PIP5KL1: variants seen among roughly 807,000 people sequenced by gnomAD.
PIP5KL1 encodes phosphatidylinositol 4-phosphate 5-kinase-like protein 1.
A neutral mutation model predicts 47.6 loss-of-function variants in PIP5KL1; 45 were observed. The observed-to-expected ratio is 0.94, with a 90% CI of 0.74 to 1.21. The LOEUF is 1.21. Ranked by LOEUF, PIP5KL1 falls within the 50% of genes most tolerant of loss-of-function variation. PIP5KL1 has a pLI of 0.00. For missense variants in PIP5KL1, 577 were observed against 547.6 expected, an observed-to-expected ratio of 1.05 and a Z score of -0.54; for synonymous variants, 256 against 234.6, an observed-to-expected ratio of 1.09 and a Z score of -0.84.
intron 2 of PIP5KL1, 54 bp from the exon 3 acceptor site, chr9:127,928,537 C>T (rs571158393): frequency 2.0e-6 from 3 of 1,477,528 alleles, no homozygotes; most frequent in Non-Finnish European, 2.7e-6. Context: ...TGCTGCCTGC[C>T]CCAGGATCTC....
At chr9:127,925,776 TTAA>T in intron 8 of PIP5KL1, 88 bp downstream of exon 8, 1 of 1,168,120 alleles carries the variant, frequency 8.6e-7, no homozygotes. Context: ...ATCTGGGCTC[TTAA>T]TAACTCAGGC....
rs979066978 is a variant in PIP5KL1 at position 127,927,793 on chromosome 9, G to A, written c.435-21C>T. The A allele has an allele frequency of 3.2e-6, 5 of 1,555,442 alleles. No homozygotes were observed. Among genetic ancestry groups the A allele is most frequent in the Non-Finnish European group, 3.5e-6 (4 of 1,151,304 alleles). On this transcript the variant is annotated intron_variant, in intron 4 of 9. Transcript: ENST00000388747. This position sits in a 1 kb window ranked among gnomAD's most constrained non-coding sequence, Gnocchi z 5.5. ...CGTGGCTGGGGGGCAAGAGAAAGAG[G>A]TCACTGCCCAGGCCTGGCTGGAGCG...
In PIP5KL1 at chr9:127,921,830, G is replaced by A. The variant is rs1462226045; in HGVS notation, c.*17C>T. ...TGAGCCCATCGTCCAGATCCGGAGA[G>A]TGGGGCCGGGCGCCCGTCACTCCGT... is the stretch of plus-strand genomic sequence containing the variant. On this transcript the variant is annotated 3_prime_UTR_variant, in exon 10 of 10. Coordinates refer to ENST00000388747, the MANE Select transcript of PIP5KL1 (RefSeq NM_001135219.2). The A allele has an allele frequency of 1.3e-6, 2 of 1,565,274 alleles. No homozygotes were observed. Among genetic ancestry groups the A allele is most frequent in the Middle Eastern group, 2.3e-4 (1 of 4,402 alleles).
rs368683908 is a variant in PIP5KL1, at chr9:127,921,838, G to A, written c.*9C>T. Reference sequence around the variant, plus strand: ...TCGTCCAGATCCGGAGAGTGGGGCCGGGCGCCCGTCACTCCGTGTGCGCCT... The same window carrying A: ...TCGTCCAGATCCGGAGAGTGGGGCCAGGCGCCCGTCACTCCGTGTGCGCCT... On this transcript the variant is annotated 3_prime_UTR_variant, in exon 10 of 10. Coordinates refer to ENST00000388747, the MANE Select transcript of PIP5KL1 (RefSeq NM_001135219.2). 3 of 1,567,044 alleles carry A rather than the reference G, an allele frequency of 1.9e-6. No homozygotes were observed. Among genetic ancestry groups the A allele is most frequent in the African/African-American group, 1.3e-5 (1 of 74,236 alleles).
chr9:127,925,158 A>C lies in PIP5KL1; in HGVS notation c.866T>G (p.Leu289Arg), dbSNP rs1305213004. ...GCCCGGGCCCCTCTCATCCTCGTGG[A>C]GACGTTGGAAGGCTATCAGGAGGCT... ...DYSLLIAFQR[L>R]HEDERGPGSS... The change falls in exon 9 of 10, where the codon CTC (leucine) becomes CGC (arginine). Residue 289 changes from leucine (L) to arginine (R), a missense_variant. Leu to Arg is a moderately radical substitution (Grantham distance 102). Coordinates refer to ENST00000388747, the MANE Select transcript of PIP5KL1 (RefSeq NM_001135219.2). 1 of 1,614,118 alleles carries C rather than the reference A, an allele frequency of 6.2e-7. No individual in the cohort carries two copies.
At chr9:127,925,374 G>A in intron 8 of PIP5KL1, 114 bp from the exon 9 acceptor site, 1 of 1,279,072 alleles carries the variant, frequency 7.8e-7, no homozygotes, top group Non-Finnish European at 1.1e-6. Flanking sequence ...CACAAATAAA[G>A]AAACTCATCT....
rs1470203002 is a variant in PIP5KL1 at position 127,925,173 on chromosome 9, A to G, written c.851T>C (p.Ile284Thr). The G allele has an allele frequency of 6.2e-6, 10 of 1,614,038 alleles. No individual in the cohort carries two copies. The highest frequency in any genetic ancestry group is 7.6e-6 in the Non-Finnish European group (9 of 1,180,046). Residue 284 changes from isoleucine (I) to threonine (T), a missense_variant, in exon 9 of 10, where the codon ATA becomes ACA. Physicochemically the swap from Ile to Thr is moderately conservative, Grantham distance 89. Coordinates refer to ENST00000388747, the MANE Select transcript of PIP5KL1 (RefSeq NM_001135219.2). ...ELNVLDYSLLIAFQRLHEDER... is the reference protein window; with the variant it reads ...ELNVLDYSLLTAFQRLHEDER... ...ATCCTCGTGGAGACGTTGGAAGGCT[A>G]TCAGGAGGCTGTAATCCAGCACGTT...
rs943196336 is a variant in PIP5KL1 at position 127,925,940 on chromosome 9, A to G, written c.690T>C (p.Asp230=). The change falls in exon 8 of 10, where the codon GAT becomes GAC. Residue 230 remains aspartate, a synonymous_variant. Transcript: ENST00000388747. ...IKGCEVSRWV[D]PAPEGSPLVL... The stretch of plus-strand genomic sequence containing the variant: ...CAAGGGGGCTGCCCTCAGGGGCGGG[A>G]TCCACCCAGCGGCTCACCTCGCAGC... 1.2e-6 allele frequency: 2 copies of G among 1,613,886 alleles called. No individual in the cohort carries two copies. Among genetic ancestry groups the G allele is most frequent in the Non-Finnish European group, 1.7e-6 (2 of 1,179,978 alleles).
intron 9 of PIP5KL1, among the ~76,000 whole-genome samples, chr9:127,922,706 A>AAAAAAAAAAG (rs1564136462): frequency 6.8e-6 from 1 of 146,176 alleles, no homozygotes. Flanking sequence ...AAAAAAAAAA[A>AAAAAAAAAAG]AAAAAGAAAA....
At position 127,927,738 on chromosome 9, in the gene PIP5KL1, G is replaced by GC; in HGVS notation, c.468dup (p.Arg157AlafsTer63). On this transcript the variant is annotated frameshift_variant, in exon 5 of 10. Transcript: ENST00000388747. LOFTEE classifies it high-confidence loss of function. The surrounding 1 kb of genome is among the most constrained non-coding windows in gnomAD (Gnocchi z 5.5). ...GCGAGCAGAGCCTGCACCTCTCGGC[G>GC]CCCCTGGGTCTTCAGGAAGAAGCGC... 6.4e-7 allele frequency: 1 copy of GC among 1,557,236 alleles called. No individual in the cohort carries two copies. Among genetic ancestry groups the GC allele is most frequent in the Non-Finnish European group, 8.7e-7 (1 of 1,151,686 alleles).
chr9:127,926,541 C>G (rs764926454), intron 7 of PIP5KL1, among the ~76,000 whole-genome samples: 11 of 152,212 alleles, frequency 7.2e-5, no homozygotes, highest in Admixed American at 1.3e-4. Context: ...ACAAGCGTGA[C>G]GCACCATGCC....
rs1245644568 is a variant in PIP5KL1, at chr9:127,925,321, A to G, written c.764-61T>C. 17 of 1,576,066 alleles carry G rather than the reference A, an allele frequency of 1.1e-5. No homozygotes were observed. In the Admixed American group the frequency reaches 2.8e-4, roughly 26 times the overall value. ...TCATGTGCCAGCCACGGTGCTCCAC[A>G]CACTCTGCCCCGTGACAGCATGTGG... is the stretch of plus-strand genomic sequence containing the variant. On this transcript the variant is annotated intron_variant, in intron 8 of 9. Transcript: ENST00000388747.
intron 7 of PIP5KL1, among the ~76,000 whole-genome samples, chr9:127,926,774 G>A (rs955578765): frequency 1.3e-5 from 2 of 152,194 alleles, no homozygotes; most frequent in African/African-American, 4.8e-5. Flanking sequence ...GGGGGGCGGG[G>A]AACCTGTGGG....
At chr9:127,924,579 C>T (rs1360127804) in intron 9 of PIP5KL1, among the ~76,000 whole-genome samples, 4 of 145,010 alleles carry the variant, frequency 2.8e-5, no homozygotes, top group African/African-American at 5.1e-5. Flanking sequence ...TCGCTTGAAT[C>T]GGGGAGGCAG....
chr9:127,926,939 T>TA (rs1161758758), intron 7 of PIP5KL1, among the ~76,000 whole-genome samples: 2 of 152,134 alleles, frequency 1.3e-5, no homozygotes, highest in Non-Finnish European at 1.5e-5. Context: ...TTCTGGGAAT[T>TA]AAAAAGCATG....
chr9:127,922,211 C>T, intron 9 of PIP5KL1, 97 bp from the exon 10 acceptor site: 1 of 1,371,108 alleles, frequency 7.3e-7, no homozygotes, highest in Non-Finnish European at 9.6e-7. Flanking sequence ...CCTCCACCAG[C>T]TCATTCCCAC....
rs1374749783 is a variant in PIP5KL1 at position 127,927,642 on chromosome 9, A to C, written c.559+6T>G. 1.5e-6 allele frequency: 2 copies of C among 1,348,446 alleles called. No homozygotes were observed. The highest frequency in any genetic ancestry group is 3.2e-5 in the African/African-American group (2 of 61,698). The allele number at this position is 1,348,446 out of a possible 1,614,324, so 83.5% of individuals were successfully genotyped here. ...CCCCCACCGAGCCCCGCCCCCAGCC[A>C]AGTACCCAGCAACCGCGCCAGCAGC... On this transcript the variant is annotated splice_donor_region_variant and intron_variant, in intron 5 of 9. Transcript: ENST00000388747. This position sits in a 1 kb window ranked among gnomAD's most constrained non-coding sequence, Gnocchi z 5.5.
chr9:127,922,848 GTTTTTACT>G (rs1188892032), intron 9 of PIP5KL1, among the ~76,000 whole-genome samples: 3 of 152,134 alleles, frequency 2.0e-5, no homozygotes, highest in Admixed American at 1.3e-4. Flanking sequence ...TATTTCACCT[GTTTTTACT>G]TTTTAAAATG....
intron 8 of PIP5KL1, chr9:127,925,623 G>A (rs1831351529): frequency 1.1e-5 from 6 of 521,766 alleles, no homozygotes; most frequent in South Asian, 2.0e-5. Flanking sequence ...GTACCACCAC[G>A]CCTGGCTAAT....
Sources: gnomAD v4.1 joint callset for allele counts (sites outside exome capture counted in the v4.1 genomes callset) on GRCh38, gnomAD v4.1.1 for gene constraint, Gnocchi (gnomAD v3.1) non-coding constraint, MANE v1.5 for transcripts, NCBI Gene and HGNC (gene_info 2026-07-23, HGNC 2026-07-21) for gene names.